The following EYS variants were observed in gnomAD, a reference collection of about 807,000 sequenced individuals.
The protein encoded by EYS is protein eyes shut homolog.
In EYS, 250 loss-of-function variants were observed where a neutral mutation model predicts 282.1. The observed-to-expected ratio is 0.89, with a 90% CI of 0.80 to 0.98. The LOEUF (loss-of-function observed/expected upper bound fraction) is 0.98, where lower values mean the gene tolerates loss of function less well. EYS is among the 50% of genes least tolerant of loss of function. The pLI is 0.00. For missense variants in EYS, 4,016 were observed against 3,709.0 expected (o/e 1.08, Z -2.15); for synonymous variants, 1,355 against 1,282.9 (o/e 1.06, Z -1.20).
At chr6:64,559,710 T>C (rs1040280572) in intron 26 of EYS, among the ~76,000 whole-genome samples, 1 of 152,096 alleles carries the variant, frequency 6.6e-6, no homozygotes, top group Non-Finnish European at 1.5e-5. Flanking sequence ...ATTAAACAAC[T>C]TAGAATTTTT....
chr6:63,806,082 C>T, intron 37 of EYS, 108 bp downstream of exon 37: 2 of 943,540 alleles, frequency 2.1e-6, no homozygotes, highest in Admixed American at 5.8e-5. Context: ...GAGGCTGCAT[C>T]TAGGCAAAGG....
At chr6:64,395,808 A>T (rs1413599508) in intron 28 of EYS, among the ~76,000 whole-genome samples, 1 of 152,056 alleles carries the variant, frequency 6.6e-6, no homozygotes, top group Non-Finnish European at 1.5e-5. Flanking sequence ...AAAAAACAAA[A>T]AAACAAAATA....
At chr6:64,534,137 A>T (rs1247367716) in intron 26 of EYS, among the ~76,000 whole-genome samples, 1 of 151,738 alleles carries the variant, frequency 6.6e-6, no homozygotes, top group African/African-American at 2.4e-5. Flanking sequence ...AAACCCTTAG[A>T]TCTCTACATT....
At chr6:63,871,153 C>A (rs1030378987) in intron 35 of EYS, among the ~76,000 whole-genome samples, 1 of 152,150 alleles carries the variant, frequency 6.6e-6, no homozygotes, top group African/African-American at 2.4e-5. Context: ...TTAATTTAAT[C>A]CTATCAATAT....
intron 26 of EYS, among the ~76,000 whole-genome samples, chr6:64,586,120 G>C (rs1202598383): frequency 6.6e-6 from 1 of 152,074 alleles, no homozygotes; most frequent in Non-Finnish European, 1.5e-5. Flanking sequence ...GTCGTTAGGA[G>C]GTGTTTAGAC....
intron 36 of EYS, among the ~76,000 whole-genome samples, chr6:63,811,775 C>T (rs1336663352): frequency 1.3e-5 from 2 of 152,156 alleles, no homozygotes; most frequent in African/African-American, 4.8e-5. Flanking sequence ...CCTTCCTTTG[C>T]AATCAAATCT....
Position 63,919,303 on chromosome 6 carries a change from G to C in EYS, c.7056-54945C>G, listed in dbSNP as rs534266136. ...GGGCGGGGAAGAAGGAAGGGGAAAA[G>C]GGAACAGACTTTTTTTTTTTTTTTT... On this transcript the variant is annotated intron_variant, in intron 35 of 42. Coordinates refer to ENST00000503581, the MANE Select transcript of EYS (RefSeq NM_001142800.2). Among the ~76,000 whole-genome samples the C allele has an allele frequency of 1.4e-3, 193 of 142,478 alleles. 2 individuals are homozygous for C. The highest frequency in any genetic ancestry group is 4.7e-3 in the African/African-American group (184 of 38,774). 93.5% of individuals were successfully genotyped at this position (142,478 alleles called of 152,430 possible).
At chr6:64,473,800 C>T (rs1776190741) in intron 26 of EYS, among the ~76,000 whole-genome samples, 2 of 152,064 alleles carry the variant, frequency 1.3e-5, no homozygotes, top group African/African-American at 4.8e-5. Context: ...TGTCATCTGT[C>T]GTCAACATGA....
intron 14 of EYS, among the ~76,000 whole-genome samples, chr6:64,989,433 C>A (rs1220770260): frequency 1.3e-4 from 8 of 61,758 alleles, no homozygotes; most frequent in African/African-American, 4.6e-4. Flanking sequence ...ATATGAGAAA[C>A]AGGAAGAGGC....
intron 36 of EYS, among the ~76,000 whole-genome samples, chr6:63,809,306 T>G (rs1389035168): frequency 6.6e-6 from 1 of 152,216 alleles, no homozygotes; most frequent in African/African-American, 2.4e-5. Context: ...TTTAAGCCCT[T>G]TTCCATCTTC....
chr6:65,194,410 TAA>T (rs1367482942), intron 12 of EYS, among the ~76,000 whole-genome samples: 2 of 151,908 alleles, frequency 1.3e-5, no homozygotes, highest in Non-Finnish European at 2.9e-5. Flanking sequence ...ATGTTAAATT[TAA>T]GTTTTAAAAA....
intron 22 of EYS, among the ~76,000 whole-genome samples, chr6:64,641,631 A>G (rs1486595574): frequency 6.6e-6 from 1 of 152,100 alleles, no homozygotes; most frequent in Non-Finnish European, 1.5e-5. Flanking sequence ...TTTCCCTTTC[A>G]TACTTAAAAA....
At chr6:64,242,862 A>C (rs1390842882) in intron 30 of EYS, among the ~76,000 whole-genome samples, 1 of 147,114 alleles carries the variant, frequency 6.8e-6, no homozygotes, top group Non-Finnish European at 1.5e-5. Context: ...TATAACATGA[A>C]TTATATAAAT....
intron 12 of EYS, among the ~76,000 whole-genome samples, chr6:65,264,140 A>G (rs191362996): frequency 9.6e-4 from 146 of 152,242 alleles, no homozygotes; most frequent in African/African-American, 3.4e-3. Flanking sequence ...ATTTCTGGTA[A>G]CCAATGATAT....
intron 1 of EYS, among the ~76,000 whole-genome samples, chr6:65,655,900 A>G (rs1767804957): frequency 6.6e-6 from 1 of 151,890 alleles, no homozygotes. Flanking sequence ...GCAGGGTTTG[A>G]GAGGATTGAC....
chr6:64,347,567 T>C (rs1007228712), intron 29 of EYS, among the ~76,000 whole-genome samples: 2 of 145,814 alleles, frequency 1.4e-5, no homozygotes, highest in Non-Finnish European at 1.5e-5. Flanking sequence ...CTCTATCTAC[T>C]TATGCATATG....
At chr6:64,218,255 C>T (rs1313256386) in intron 31 of EYS, among the ~76,000 whole-genome samples, 1 of 152,136 alleles carries the variant, frequency 6.6e-6, no homozygotes, top group Admixed American at 6.5e-5. Context: ...AGGCCTCTGA[C>T]CTCCCTTTCT....
intron 36 of EYS, among the ~76,000 whole-genome samples, chr6:63,823,523 G>A (rs1771378605): frequency 6.6e-6 from 1 of 152,026 alleles, no homozygotes. Context: ...CAATGGACAT[G>A]CATATTTTAT....
At chr6:65,040,393 A>G (rs1772898721) in intron 13 of EYS, among the ~76,000 whole-genome samples, 1 of 151,626 alleles carries the variant, frequency 6.6e-6, no homozygotes, top group Non-Finnish European at 1.5e-5. Context: ...TCATCTTCAT[A>G]TGGAGGTCTC....
Sources: gnomAD v4.1 joint callset for allele counts (sites outside exome capture counted in the v4.1 genomes callset) on GRCh38, gnomAD v4.1.1 for gene constraint, MANE v1.5 for transcripts, NCBI Gene and HGNC (gene_info 2026-07-23, HGNC 2026-07-21) for gene names.